Variants in PPM1A observed in about 807,000 individuals in gnomAD.
PPM1A encodes protein phosphatase, Mg2+/Mn2+ dependent 1A, also known as protein phosphatase 1A.
A neutral mutation model predicts 35.0 loss-of-function variants in PPM1A; 7 were observed. The ratio of observed to expected loss-of-function variants is 0.20; its 90% CI spans 0.11 to 0.38. The LOEUF is 0.38. Among genes scored for constraint, PPM1A ranks in the 10% least tolerant of loss-of-function variants. The pLI, the probability that PPM1A is intolerant of heterozygous loss-of-function variation, is 1.00. For missense variants in PPM1A, 239 were observed against 467.8 expected, an observed-to-expected ratio of 0.51 and a Z score of 4.51; for synonymous variants, 153 against 167.3, an observed-to-expected ratio of 0.91 and a Z score of 0.66.
intron 1 of PPM1A, among the ~76,000 whole-genome samples, chr14:60,269,012 C>T (rs1884749525): frequency 1.3e-5 from 2 of 150,152 alleles, no homozygotes; most frequent in South Asian, 4.2e-4. Flanking sequence ...TTCTTTCCAA[C>T]ATATAATCCA....
At chr14:60,290,790 T>G (rs1384415299) in intron 4 of PPM1A, among the ~76,000 whole-genome samples, 1 of 152,026 alleles carries the variant, frequency 6.6e-6, no homozygotes, top group East Asian at 1.9e-4. Context: ...ACTTTTTTTT[T>G]CCATATGACT....
At position 60,287,549 on chromosome 14, in the gene PPM1A, C is replaced by T. The variant is rs527342231; in HGVS notation, c.952+1808C>T. The T allele has an allele frequency of 5.1e-6, 5 of 985,244 alleles. No homozygotes were observed. In the African/African-American group the frequency reaches 7.0e-5, roughly 14 times the overall value. The allele number at this position is 985,244 out of a possible 1,614,324, so 61.0% of individuals were successfully genotyped here. ...GCTTCCAAAGCAGGCACCTGAATGCCTTTTTCTTTTCTCTCTCTCTTCTTT... is the reference window on the plus strand; with the variant it reads ...GCTTCCAAAGCAGGCACCTGAATGCTTTTTTCTTTTCTCTCTCTCTTCTTT... On this transcript the variant is annotated intron_variant, in intron 3 of 5. Coordinates refer to ENST00000395076, the MANE Select transcript of PPM1A (RefSeq NM_021003.5).
At chr14:60,248,112 C>T (rs114546709), upstream of PPM1A, among the ~76,000 whole-genome samples, 341 of 152,308 alleles carry the variant, frequency 2.2e-3, 1 homozygote, top group African/African-American at 8.0e-3. Context: ...ATGTACTGCT[C>T]CTAGGCTGCG....
At position 60,289,768 on chromosome 14, in the gene PPM1A, T is replaced by C; in HGVS notation, c.953-38T>C. ...TTTCGGTTTTCTTTTCAATTAAATT[T>C]GGATAACACTTACAAAAAAAGTACT... On this transcript the variant is annotated intron_variant, in intron 3 of 5. Coordinates refer to ENST00000395076, the MANE Select transcript of PPM1A (RefSeq NM_021003.5). This position sits in a 1 kb window ranked among gnomAD's most constrained non-coding sequence, Gnocchi z 4.1. 1 of 1,352,226 alleles carries C rather than the reference T, an allele frequency of 7.4e-7. No individual in the cohort carries two copies. Among genetic ancestry groups the C allele is most frequent in the African/African-American group, 1.5e-5 (1 of 68,370 alleles). 83.8% of individuals were successfully genotyped at this position (1,352,226 alleles called of 1,614,324 possible). A position where few individuals can be genotyped will look rare whatever the true frequency, so the allele number is the denominator to read the frequency against.
At position 60,249,709 on chromosome 14, in the gene PPM1A, GGCGGGCGGT is replaced by G. The variant is rs1158304915; in HGVS notation, c.-21+39_-21+47del. ...GCGGCGCTCGGGCCGACGGCGGGCT[GGCGGGCGGT>G]GCGGGCCTGCGCGGCGGCGGCGGCG... On this transcript the variant is annotated intron_variant, in intron 1 of 5. Transcript: ENST00000395076. The surrounding 1 kb of genome is among the most constrained non-coding windows in gnomAD (Gnocchi z 4.5). 1.0e-5 allele frequency: 10 copies of G among 982,838 alleles called. No homozygotes were observed. The highest frequency in any genetic ancestry group is 1.8e-5 in the African/African-American group (1 of 56,828). The allele number at this position is 982,838 out of a possible 1,614,324, so 60.9% of individuals were successfully genotyped here.
chr14:60,261,120 G>T (rs144832590), intron 1 of PPM1A, among the ~76,000 whole-genome samples: 1 of 152,210 alleles, frequency 6.6e-6, no homozygotes, highest in East Asian at 1.9e-4. Context: ...GGCTTGCCTA[G>T]AGTCTACCTT....
chr14:60,264,001 C>T (rs556818191), intron 1 of PPM1A, among the ~76,000 whole-genome samples: 5 of 151,300 alleles, frequency 3.3e-5, no homozygotes, highest in Non-Finnish European at 5.9e-5. Flanking sequence ...TTTTTATACT[C>T]AATAACTTGT....
chr14:60,291,462 G>A lies in PPM1A; in HGVS notation c.1119+8G>A. Reference sequence around the variant, plus strand: ...TACAAAAATGACGACACTGTAAGTAGCATTTTAGCTCCCTCTGCTTTCCCT... The same window carrying A: ...TACAAAAATGACGACACTGTAAGTAACATTTTAGCTCCCTCTGCTTTCCCT... On this transcript the variant is annotated splice_region_variant and intron_variant, in intron 5 of 5. Transcript: ENST00000395076. 6.4e-7 allele frequency: 1 copy of A among 1,569,078 alleles called. No homozygotes were observed. The highest frequency in any genetic ancestry group is 2.3e-5 in the East Asian group (1 of 43,438).
At position 60,289,976 on chromosome 14, in the gene PPM1A, T is replaced by C. The variant is rs945705462; in HGVS notation, c.1061+62T>C. 6 of 1,161,154 alleles carry C rather than the reference T, an allele frequency of 5.2e-6. No individual in the cohort carries two copies. The highest frequency in any genetic ancestry group is 2.8e-5 in the East Asian group (1 of 36,204). 71.9% of individuals were successfully genotyped at this position (1,161,154 alleles called of 1,614,324 possible). ...AGTGTATGAAAATGTTAGGTATTCA[T>C]TGATAAAATGTTTGTTTGCCTAATT... On this transcript the variant is annotated intron_variant, in intron 4 of 5. Coordinates refer to ENST00000395076, the MANE Select transcript of PPM1A (RefSeq NM_021003.5). This position sits in a 1 kb window ranked among gnomAD's most constrained non-coding sequence, Gnocchi z 4.1.
intron 1 of PPM1A, among the ~76,000 whole-genome samples, chr14:60,278,298 A>T (rs917290385): frequency 6.7e-6 from 1 of 148,634 alleles, no homozygotes; most frequent in Non-Finnish European, 1.5e-5. Context: ...CTTTTAAAAG[A>T]TTTCATGGTT....
rs941028749 is a variant in PPM1A at position 60,255,160 on chromosome 14, T to G, written c.-21+5483T>G. On this transcript the variant is annotated intron_variant, in intron 1 of 5. Transcript: ENST00000395076. Reference sequence around the variant, plus strand: ...GTCTGTGTATTATTTCTATCATATGTTTTTTTTTTTTTTGTTTTGTTTTGT... The same window carrying G: ...GTCTGTGTATTATTTCTATCATATGGTTTTTTTTTTTTTGTTTTGTTTTGT... Among the ~76,000 whole-genome samples, 14 of 95,684 alleles carry G rather than the reference T, an allele frequency of 1.5e-4. 1 individual carries two copies. Among genetic ancestry groups the G allele is most frequent in the African/African-American group, 4.9e-4 (5 of 10,182 alleles). The allele number at this position is 95,684 out of a possible 152,430, so 62.8% of individuals were successfully genotyped here. A position where few individuals can be genotyped will look rare whatever the true frequency, so the allele number is the denominator to read the frequency against.
intron 5 of PPM1A, among the ~76,000 whole-genome samples, chr14:60,291,754 T>TG: frequency 6.6e-6 from 1 of 151,762 alleles, no homozygotes; most frequent in East Asian, 1.9e-4. Flanking sequence ...TACATGGTTT[T>TG]TTTTTTTTTT....
At chr14:60,267,924 C>T (rs187035634) in intron 1 of PPM1A, among the ~76,000 whole-genome samples, 7 of 152,090 alleles carry the variant, frequency 4.6e-5, no homozygotes, top group Non-Finnish European at 1.0e-4. Flanking sequence ...ACATCATGAA[C>T]CTTTACTCTT....
At chr14:60,261,035 A>G (rs186201093) in intron 1 of PPM1A, among the ~76,000 whole-genome samples, 121 of 152,156 alleles carry the variant, frequency 8.0e-4, no homozygotes, top group African/African-American at 2.8e-3. Flanking sequence ...CAGCCTCTCA[A>G]CTTCCCGAAA....
In PPM1A at chr14:60,292,516, C is replaced by A; in HGVS notation, c.*34C>A. The A allele has an allele frequency of 1.9e-6, 3 of 1,559,124 alleles. No individual in the cohort carries two copies. Among genetic ancestry groups the A allele is most frequent in the Non-Finnish European group, 2.7e-6 (3 of 1,131,938 alleles). ...ATCTAGCCATGGAGTTTACCTTCACCTCCAAAGGAGAGTACAGCTCAACTT... is the reference window on the plus strand; with the variant it reads ...ATCTAGCCATGGAGTTTACCTTCACATCCAAAGGAGAGTACAGCTCAACTT... On this transcript the variant is annotated 3_prime_UTR_variant, in exon 6 of 6. Transcript: ENST00000395076. The surrounding 1 kb of genome is among the most constrained non-coding windows in gnomAD (Gnocchi z 4.2).
chr14:60,275,496 A>AT (rs946703504), intron 1 of PPM1A, among the ~76,000 whole-genome samples: 6 of 151,976 alleles, frequency 3.9e-5, no homozygotes, highest in African/African-American at 1.5e-4. Flanking sequence ...TATTATTTTT[A>AT]TTTTTTTAGA....
chr14:60,266,715 G>A (rs186253082), intron 1 of PPM1A, among the ~76,000 whole-genome samples: 1 of 152,018 alleles, frequency 6.6e-6, no homozygotes. Flanking sequence ...ACTATAATTT[G>A]GAATCAAGTT....
chr14:60,269,269 A>G (rs754767698), intron 1 of PPM1A, among the ~76,000 whole-genome samples: 5 of 152,080 alleles, frequency 3.3e-5, no homozygotes, highest in Non-Finnish European at 7.4e-5. Context: ...CTTGGTTTTG[A>G]TTAGTCTCTT....
At chr14:60,255,166 T>TG (rs1007832155) in intron 1 of PPM1A, among the ~76,000 whole-genome samples, 6 of 106,552 alleles carry the variant, frequency 5.6e-5, no homozygotes, top group African/African-American at 1.7e-4. Flanking sequence ...TATGTTTTTT[T>TG]TTTTTTTGTT....
Sources: gnomAD v4.1 joint callset for allele counts (sites outside exome capture counted in the v4.1 genomes callset) on GRCh38, gnomAD v4.1.1 for gene constraint, Gnocchi (gnomAD v3.1) non-coding constraint, MANE v1.5 for transcripts, NCBI Gene and HGNC (gene_info 2026-07-23, HGNC 2026-07-21) for gene names.